The following URAD variants were observed in gnomAD, a reference collection of about 807,000 sequenced individuals.
The protein encoded by URAD is ureidoimidazoline (2-oxo-4-hydroxy-4-carboxy-5-) decarboxylase.
A neutral mutation model predicts 4.6 loss-of-function variants in URAD; 4 were observed. The ratio of observed to expected loss-of-function variants is 0.87; its 90% CI spans 0.43 to 1.98. URAD has a LOEUF of 1.98. Ranked by LOEUF, URAD falls within the 30% of genes most tolerant of loss-of-function variation. The pLI is 0.03. For missense variants in URAD, 300 were observed against 255.3 expected (o/e 1.18, Z -1.19); for synonymous variants, 144 against 118.2 (o/e 1.22, Z -1.41).
Position 27,978,464 on chromosome 13 carries a change from C to A in URAD, c.176-12G>T. ...GATGCCCTCCTGGCCTGCGGAGAAG[C>A]ACAGACACCGGCGGGAGCGCGTCAA... On this transcript the variant is annotated splice_polypyrimidine_tract_variant and intron_variant, in intron 1 of 1. Transcript: ENST00000332715. 1 of 1,312,430 alleles carries A rather than the reference C, an allele frequency of 7.6e-7. No individual in the cohort carries two copies. Among genetic ancestry groups the A allele is most frequent in the Non-Finnish European group, 9.7e-7 (1 of 1,035,704 alleles). The allele number at this position is 1,312,430 out of a possible 1,614,324, so 81.3% of individuals were successfully genotyped here.
chr13:27,977,958 T>C lies in URAD; in HGVS notation c.*148A>G, dbSNP rs2137553008. 1 of 632,860 alleles carries C rather than the reference T, an allele frequency of 1.6e-6. No homozygotes were observed. Among genetic ancestry groups the C allele is most frequent in the Non-Finnish European group, 2.5e-6 (1 of 406,864 alleles). The allele number at this position is 632,860 out of a possible 1,614,324, so 39.2% of individuals were successfully genotyped here. A position where few individuals can be genotyped will look rare whatever the true frequency, so the allele number is the denominator to read the frequency against. Reference sequence around the variant, plus strand: ...GGCGGACAAAAGGACTCATTACTCGTATGATTGCCTCAATTCTCCACTTCC... The same window carrying C: ...GGCGGACAAAAGGACTCATTACTCGCATGATTGCCTCAATTCTCCACTTCC... On this transcript the variant is annotated 3_prime_UTR_variant, in exon 2 of 2. Transcript: ENST00000332715.
Position 27,978,086 on chromosome 13 carries a change from G to A in URAD, c.*20C>T, listed in dbSNP as rs1329608146. 6.9e-7 allele frequency: 1 copy of A among 1,457,622 alleles called. No individual in the cohort carries two copies. The highest frequency in any genetic ancestry group is 8.9e-7 in the Non-Finnish European group (1 of 1,119,636). 90.3% of individuals were successfully genotyped at this position (1,457,622 alleles called of 1,614,324 possible). On this transcript the variant is annotated 3_prime_UTR_variant, in exon 2 of 2. Transcript: ENST00000332715. ...CCGCGCGTCCGGTTGTGCGTCCCGGGTCCCTGGCCCGCGCGGCAGCTACAG... is the reference window on the plus strand; with the variant it reads ...CCGCGCGTCCGGTTGTGCGTCCCGGATCCCTGGCCCGCGCGGCAGCTACAG...
chr13:27,980,412 A>G (rs1263274863), intron 1 of URAD, among the ~76,000 whole-genome samples: 2 of 152,072 alleles, frequency 1.3e-5, no homozygotes, highest in Non-Finnish European at 1.5e-5. Flanking sequence ...CCACGCGGCC[A>G]CTTGTCAGGC....
At chr13:27,987,076 G>T (rs1424838987) in intron 1 of URAD, among the ~76,000 whole-genome samples, 2 of 152,196 alleles carry the variant, frequency 1.3e-5, no homozygotes, top group Admixed American at 6.5e-5. Flanking sequence ...ATGAAAAGGA[G>T]CTCCTTATTT....
Position 27,978,217 on chromosome 13 carries a change from G to C in URAD, c.411C>G (p.Arg137=). ...CCTGCGCGGACGGGCAGAGCAGCCG[G>C]CGCGCCAGCTCGCGCGGCACCGCCG... ...DRTAVPRELA[R]RLLCPSAQEL... The change falls in exon 2 of 2, where the codon CGC becomes CGG. Residue 137 remains arginine (R), a synonymous_variant. Transcript: ENST00000332715. 2.7e-6 allele frequency: 4 copies of C among 1,477,082 alleles called. No homozygotes were observed. The highest frequency in any genetic ancestry group is 3.6e-6 in the Non-Finnish European group (4 of 1,124,818). The allele number at this position is 1,477,082 out of a possible 1,614,324, so 91.5% of individuals were successfully genotyped here.
At chr13:27,985,263 G>C (rs866356971) in intron 1 of URAD, among the ~76,000 whole-genome samples, 1 of 152,056 alleles carries the variant, frequency 6.6e-6, no homozygotes, top group Non-Finnish European at 1.5e-5. Flanking sequence ...TTTGAGACAA[G>C]CATGGCCAAC....
At chr13:27,986,853 C>G (rs376186243) in intron 1 of URAD, among the ~76,000 whole-genome samples, 15 of 152,186 alleles carry the variant, frequency 9.9e-5, no homozygotes, top group African/African-American at 3.4e-4. Context: ...AGCTGAGAGG[C>G]TGTGGTCCCT....
In URAD at chr13:27,978,246, G is replaced by A. The variant is rs1209678094; in HGVS notation, c.382C>T (p.Arg128Trp). 12 of 1,451,524 alleles carry A rather than the reference G, an allele frequency of 8.3e-6. No homozygotes were observed. In the South Asian group the frequency reaches 1.7e-4, roughly 20 times the overall value. 89.9% of individuals were successfully genotyped at this position (1,451,524 alleles called of 1,614,324 possible). A position where few individuals can be genotyped will look rare whatever the true frequency, so the allele number is the denominator to read the frequency against. ...GCCAGCTCGCGCGGCACCGCCGTCCGGTCGCTGAAGCGCGCGGCGAGCACG... is the reference window on the plus strand; with the variant it reads ...GCCAGCTCGCGCGGCACCGCCGTCCAGTCGCTGAAGCGCGCGGCGAGCACG... The part of the protein sequence containing the change: ...PFVLAARFSD[R>W]TAVPRELARR... Residue 128 changes from arginine (R) to tryptophan (W), a missense_variant, in exon 2 of 2, where the codon CGG (arginine) becomes TGG (tryptophan). Arg to Trp is a moderately radical substitution (Grantham distance 101, BLOSUM62 -3). Transcript: ENST00000332715.
At position 27,988,607 on chromosome 13, in the gene URAD, G is replaced by T. The variant is rs775192997; in HGVS notation, c.31C>A (p.Leu11Ile). ...CCAAACACATCCACGAATTCTCCAA[G>T]GTCCATGGAGTTGACCTTCTCAATG... MDIEKVNSMD[L>I]GEFVDVFGNA... The change falls in exon 1 of 2, where the codon CTT becomes ATT. Residue 11 changes from leucine to isoleucine, a missense_variant. Physicochemically the swap from Leu to Ile is conservative, Grantham distance 5. Coordinates refer to ENST00000332715, the MANE Select transcript of URAD (RefSeq NM_001105577.2). The T allele has an allele frequency of 5.6e-6, 9 of 1,612,646 alleles. No homozygotes were observed. Among genetic ancestry groups the T allele is most frequent in the Middle Eastern group, 3.3e-4 (2 of 6,076 alleles).
At chr13:27,978,705 C>G (rs566860761) in intron 1 of URAD, among the ~76,000 whole-genome samples, 9 of 152,190 alleles carry the variant, frequency 5.9e-5, no homozygotes, top group Non-Finnish European at 1.3e-4. Flanking sequence ...TCGGTCGGGA[C>G]CAGGATCCAG....
intron 1 of URAD, among the ~76,000 whole-genome samples, chr13:27,983,226 CTTTTTT>C (rs974359895): frequency 6.6e-6 from 1 of 151,142 alleles, no homozygotes; most frequent in African/African-American, 2.4e-5. Flanking sequence ...GGTTCCTTTG[CTTTTTT>C]TTTGTTTTTG....
chr13:27,987,711 C>G (rs1314080709), intron 1 of URAD, among the ~76,000 whole-genome samples: 1 of 152,120 alleles, frequency 6.6e-6, no homozygotes, highest in Non-Finnish European at 1.5e-5. Flanking sequence ...CTTGTGACCT[C>G]AAAGCTCTAA....
intron 1 of URAD, among the ~76,000 whole-genome samples, chr13:27,986,709 C>CT (rs67452556): frequency 5.9e-5 from 9 of 151,720 alleles, no homozygotes; most frequent in African/African-American, 9.7e-5. Context: ...ATATGCCTCT[C>CT]TTTTTTTTTC....
chr13:27,978,567 G>A lies in URAD; in HGVS notation c.176-115C>T, dbSNP rs1269640940. On this transcript the variant is annotated intron_variant, in intron 1 of 1. Transcript: ENST00000332715. ...CCCCCTGCCCCGCCCCGCCCCGCCC[G>A]GCCCCAAAGAAGGCTGCGGGAGGGT... 4 of 805,498 alleles carry A rather than the reference G, an allele frequency of 5.0e-6. No homozygotes were observed. In the African/African-American group the frequency reaches 5.4e-5, roughly 11 times the overall value. The allele number at this position is 805,498 out of a possible 1,614,324, so 49.9% of individuals were successfully genotyped here. A position where few individuals can be genotyped will look rare whatever the true frequency, so the allele number is the denominator to read the frequency against.
chr13:27,981,962 C>T (rs1367187800), intron 1 of URAD, among the ~76,000 whole-genome samples: 1 of 152,154 alleles, frequency 6.6e-6, no homozygotes, highest in African/African-American at 2.4e-5. Flanking sequence ...TGTCTCCTGG[C>T]CTCTCCACTT....
intron 1 of URAD, 57 bp downstream of exon 1, chr13:27,988,406 T>G (rs1870097926): frequency 6.6e-7 from 1 of 1,510,042 alleles, no homozygotes; most frequent in Admixed American, 2.1e-5. Context: ...TCTAAAAATA[T>G]TTTAACAAGC....
intron 1 of URAD, among the ~76,000 whole-genome samples, chr13:27,980,040 A>G (rs1471339086): frequency 6.6e-6 from 1 of 152,162 alleles, no homozygotes; most frequent in Non-Finnish European, 1.5e-5. Flanking sequence ...TGTCACCTAT[A>G]ATCCCATCCC....
At chr13:27,988,067 T>G (rs1474729509) in intron 1 of URAD, among the ~76,000 whole-genome samples, 1 of 152,224 alleles carries the variant, frequency 6.6e-6, no homozygotes, top group African/African-American at 2.4e-5. Flanking sequence ...CAAGCGATTC[T>G]CCTGCCTCAG....
At position 27,983,071 on chromosome 13, in the gene URAD, G is replaced by A. The variant is rs557677208; in HGVS notation, c.176-4619C>T. 3.9e-5 allele frequency among the ~76,000 whole-genome samples: 6 copies of A among 152,146 alleles called. No homozygotes were observed. The East Asian group carries it at 1.2e-3, about 29-fold the overall frequency. The stretch of plus-strand genomic sequence containing the variant: ...TAAACCCCAGTGACCCATTGCACAT[G>A]GAGAAGCAAGTTCCTTATTAGACCT... On this transcript the variant is annotated intron_variant, in intron 1 of 1. Transcript: ENST00000332715.
Sources: allele counts gnomAD v4.1 joint callset (sites outside exome capture counted in the v4.1 genomes callset), GRCh38; gene constraint gnomAD v4.1.1; transcripts MANE v1.5; gene names NCBI Gene and HGNC (gene_info 2026-07-23, HGNC 2026-07-21).